The following KCND2 variants were observed in gnomAD, a reference collection of about 807,000 sequenced individuals.
KCND2 encodes potassium voltage-gated channel subfamily D member 2, also known as A-type voltage-gated potassium channel KCND2.
In KCND2, 16 loss-of-function variants were observed where a neutral mutation model predicts 54.4. The observed-to-expected ratio is 0.29, with a 90% CI of 0.20 to 0.45. The LOEUF is 0.45. KCND2 is among the 20% of genes least tolerant of loss of function. The pLI is 1.00. For missense variants in KCND2, 486 were observed against 824.2 expected, an observed-to-expected ratio of 0.59 and a Z score of 5.02; for synonymous variants, 317 against 310.7, an observed-to-expected ratio of 1.02 and a Z score of -0.21.
At chr7:120,422,969 C>A (rs1264473517) in intron 1 of KCND2, among the ~76,000 whole-genome samples, 1 of 152,128 alleles carries the variant, frequency 6.6e-6, no homozygotes, top group African/African-American at 2.4e-5. Context: ...GCATTGAGAC[C>A]CTCTTCAGAC....
intron 1 of KCND2, among the ~76,000 whole-genome samples, chr7:120,700,840 A>T (rs1792392119): frequency 6.6e-6 from 1 of 152,220 alleles, no homozygotes; most frequent in Non-Finnish European, 1.5e-5. Flanking sequence ...AAATGTCTGT[A>T]GAATCCATTA....
At chr7:120,657,192 C>T (rs917589671) in intron 1 of KCND2, among the ~76,000 whole-genome samples, 2 of 152,126 alleles carry the variant, frequency 1.3e-5, no homozygotes, top group Admixed American at 6.5e-5. Flanking sequence ...AAGTTCCTTG[C>T]ATTCACACTG....
chr7:120,477,416 T>C (rs1396581605), intron 1 of KCND2, among the ~76,000 whole-genome samples: 3 of 152,174 alleles, frequency 2.0e-5, no homozygotes, highest in African/African-American at 7.2e-5. Flanking sequence ...TTTGTACTGC[T>C]TAGCTTTGCT....
intron 1 of KCND2, among the ~76,000 whole-genome samples, chr7:120,456,355 A>T (rs772981839): frequency 1.3e-5 from 2 of 152,232 alleles, no homozygotes; most frequent in Non-Finnish European, 2.9e-5. Flanking sequence ...ATAATATTGA[A>T]TAATCTGTAT....
chr7:120,315,012 G>T (rs1799792469), intron 1 of KCND2, among the ~76,000 whole-genome samples: 1 of 151,204 alleles, frequency 6.6e-6, no homozygotes, highest in Non-Finnish European at 1.5e-5. Flanking sequence ...ACACATCTAT[G>T]GAAGATATAA....
chr7:120,388,535 A>T (rs1037142209), intron 1 of KCND2, among the ~76,000 whole-genome samples: 32 of 152,132 alleles, frequency 2.1e-4, no homozygotes, highest in Non-Finnish European at 4.3e-4. Flanking sequence ...TGGAGGTGGA[A>T]CCCATTTGTG....
chr7:120,628,143 A>G (rs532061856), intron 1 of KCND2, among the ~76,000 whole-genome samples: 1 of 152,322 alleles, frequency 6.6e-6, no homozygotes, highest in Non-Finnish European at 1.5e-5. Flanking sequence ...TGAATGTTCA[A>G]AGATATAGAG....
At chr7:120,415,084 T>C (rs1192598522) in intron 1 of KCND2, among the ~76,000 whole-genome samples, 1 of 152,192 alleles carries the variant, frequency 6.6e-6, no homozygotes, top group Non-Finnish European at 1.5e-5. Flanking sequence ...AATAACAATG[T>C]ACATTAAACT....
intron 1 of KCND2, among the ~76,000 whole-genome samples, chr7:120,661,430 C>G (rs1162538873): frequency 6.6e-6 from 1 of 151,990 alleles, no homozygotes; most frequent in African/African-American, 2.4e-5. Context: ...AGATGGATCA[C>G]CTGAAGTCAG....
intron 1 of KCND2, among the ~76,000 whole-genome samples, chr7:120,381,290 C>G (rs558446566): frequency 6.6e-6 from 1 of 151,990 alleles, no homozygotes; most frequent in East Asian, 1.9e-4. Context: ...ATATTTCTTA[C>G]AACAGATTTA....
intron 1 of KCND2, among the ~76,000 whole-genome samples, chr7:120,315,337 T>G (rs1323746443): frequency 6.6e-6 from 1 of 152,174 alleles, no homozygotes; most frequent in African/African-American, 2.4e-5. Context: ...TCATATTTAC[T>G]AAACTTGAAT....
chr7:120,443,911 C>T (rs1801982146), intron 1 of KCND2, among the ~76,000 whole-genome samples: 1 of 152,016 alleles, frequency 6.6e-6, no homozygotes, highest in African/African-American at 2.4e-5. Flanking sequence ...AAAAATGCTC[C>T]CATCAACTTC....
intron 1 of KCND2, among the ~76,000 whole-genome samples, chr7:120,595,457 A>AT (rs1455173569): frequency 8.9e-4 from 89 of 99,834 alleles, no homozygotes; most frequent in African/African-American, 3.1e-3. Flanking sequence ...CCACCAAAAA[A>AT]AAAATATATA....
At chr7:120,604,706 T>C (rs1792859266) in intron 1 of KCND2, among the ~76,000 whole-genome samples, 1 of 152,062 alleles carries the variant, frequency 6.6e-6, no homozygotes, top group Admixed American at 6.6e-5. Context: ...CTAATTATGC[T>C]TTAATGATTG....
intron 1 of KCND2, among the ~76,000 whole-genome samples, chr7:120,322,350 A>G (rs1480888043): frequency 1.3e-5 from 2 of 152,208 alleles, no homozygotes; most frequent in Middle Eastern, 3.4e-3. Context: ...ACTGAGACTC[A>G]CGGATATAAA....
chr7:120,556,419 G>T (rs1395431896), intron 1 of KCND2, among the ~76,000 whole-genome samples: 2 of 152,152 alleles, frequency 1.3e-5, no homozygotes, highest in African/African-American at 4.8e-5. Context: ...ACTCAATAAA[G>T]AGCCTTCTCT....
At chr7:120,723,667 A>T (rs184914085) in intron 1 of KCND2, among the ~76,000 whole-genome samples, 1 of 152,132 alleles carries the variant, frequency 6.6e-6, no homozygotes, top group Non-Finnish European at 1.5e-5. Flanking sequence ...GTAGTACACT[A>T]TGACTATACC....
intron 1 of KCND2, among the ~76,000 whole-genome samples, chr7:120,723,705 G>A (rs1468255508): frequency 1.3e-5 from 2 of 151,966 alleles, no homozygotes; most frequent in East Asian, 1.9e-4. Flanking sequence ...CTCCAGTCTG[G>A]GCAACATAGT....
intron 1 of KCND2, among the ~76,000 whole-genome samples, chr7:120,652,565 T>C (rs2116547301): frequency 6.6e-6 from 1 of 152,340 alleles, no homozygotes; most frequent in Admixed American, 6.5e-5. Flanking sequence ...TGTGATAGCA[T>C]ATATAACTAA....
Sources: allele counts gnomAD v4.1 joint callset (sites outside exome capture counted in the v4.1 genomes callset), GRCh38; gene constraint gnomAD v4.1.1; transcripts MANE v1.5; gene names NCBI Gene and HGNC (gene_info 2026-07-23, HGNC 2026-07-21).